The following GABRA2 variants were observed in gnomAD, a reference collection of about 807,000 sequenced individuals.
GABRA2 encodes gamma-aminobutyric acid type A receptor subunit alpha2, also known as gamma-aminobutyric acid receptor subunit alpha-2.
In GABRA2, 16 loss-of-function variants were observed where a neutral mutation model predicts 48.7. That is an observed-to-expected ratio of 0.33 (90% CI 0.22 to 0.50). GABRA2 has a LOEUF of 0.50. Ranked by LOEUF, GABRA2 falls within the 20% of genes least tolerant of loss-of-function variation. GABRA2 has a pLI of 0.98. For synonymous variants in GABRA2, 185 were observed against 184.5 expected (o/e 1.00, Z -0.02); for missense variants, 275 against 535.6 (o/e 0.51, Z 4.80).
chr4:46,254,981 A>AT (rs1715517477), intron 9 of GABRA2, among the ~76,000 whole-genome samples: 1 of 151,546 alleles, frequency 6.6e-6, no homozygotes, highest in Admixed American at 6.6e-5. Flanking sequence ...GCTAACACTG[A>AT]TTCAGCTCTG....
intron 4 of GABRA2, among the ~76,000 whole-genome samples, chr4:46,315,241 T>C (rs1258934040): frequency 1.3e-5 from 2 of 151,836 alleles, no homozygotes; most frequent in African/African-American, 4.8e-5. Flanking sequence ...ATTGGTGATG[T>C]GAAGCATTTT....
intron 4 of GABRA2, among the ~76,000 whole-genome samples, chr4:46,315,279 T>G (rs1728360262): frequency 6.6e-6 from 1 of 152,198 alleles, no homozygotes; most frequent in Non-Finnish European, 1.5e-5. Context: ...TGCTTGTATG[T>G]CTTCTTTTAT....
intron 3 of GABRA2, among the ~76,000 whole-genome samples, chr4:46,337,090 T>C (rs568722073): frequency 6.6e-6 from 1 of 151,948 alleles, no homozygotes; most frequent in Non-Finnish European, 1.5e-5. Context: ...TGGTTGAGGA[T>C]AAAAAGTGAG....
At chr4:46,283,405 G>A (rs1217968996) in intron 8 of GABRA2, among the ~76,000 whole-genome samples, 1 of 152,104 alleles carries the variant, frequency 6.6e-6, no homozygotes, top group Non-Finnish European at 1.5e-5. Context: ...AATAGACACC[G>A]AATGCCTGAT....
intron 8 of GABRA2, among the ~76,000 whole-genome samples, chr4:46,288,879 A>C (rs1348487348): frequency 8.1e-6 from 1 of 123,242 alleles, no homozygotes; most frequent in Non-Finnish European, 1.7e-5. Flanking sequence ...GAAAAAAAAC[A>C]ATGAAAGTAG....
intron 3 of GABRA2, among the ~76,000 whole-genome samples, chr4:46,332,887 A>G (rs1249061595): frequency 6.6e-6 from 1 of 152,168 alleles, no homozygotes; most frequent in Non-Finnish European, 1.5e-5. Context: ...CAAAATGCAT[A>G]GAAGTATTAT....
At chr4:46,265,629 C>A (rs1320359626) in intron 8 of GABRA2, among the ~76,000 whole-genome samples, 2 of 150,742 alleles carry the variant, frequency 1.3e-5, no homozygotes, top group Non-Finnish European at 1.5e-5. Flanking sequence ...GTTCAAGAAC[C>A]AACTTATGGC....
chr4:46,269,758 A>G (rs560464215), intron 8 of GABRA2, among the ~76,000 whole-genome samples: 1 of 152,024 alleles, frequency 6.6e-6, no homozygotes, highest in East Asian at 1.9e-4. Flanking sequence ...AATACCAGAA[A>G]TAAAATTAAA....
chr4:46,318,042 C>A (rs754149815), intron 4 of GABRA2, among the ~76,000 whole-genome samples: 1 of 151,388 alleles, frequency 6.6e-6, no homozygotes, highest in Non-Finnish European at 1.5e-5. Flanking sequence ...TGACACATTT[C>A]TTAAATTTGA....
At chr4:46,289,916 T>TATTTATTTA (rs1422233689) in intron 8 of GABRA2, among the ~76,000 whole-genome samples, 1 of 144,700 alleles carries the variant, frequency 6.9e-6, no homozygotes, top group Admixed American at 6.8e-5. Context: ...TATTTTTATT[T>TATTTATTTA]TTTTTTTTTT....
Position 46,249,096 on chromosome 4 carries a change from G to A in GABRA2, c.*1212C>T, listed in dbSNP as rs1179213858. On this transcript the variant is annotated 3_prime_UTR_variant, in exon 10 of 10. Coordinates refer to ENST00000381620, the MANE Select transcript of GABRA2 (RefSeq NM_000807.4). ...CACGTGAAATAATCCACAATCTATTGGTGATGTTTTAAAGTTGCAGTGTAA... is the reference window on the plus strand; with the variant it reads ...CACGTGAAATAATCCACAATCTATTAGTGATGTTTTAAAGTTGCAGTGTAA... 6.8e-6 allele frequency: 1 copy of A among 146,304 alleles called. No individual in the cohort carries two copies. The highest frequency in any genetic ancestry group is 1.5e-5 in the Non-Finnish European group (1 of 66,084). 9.1% of individuals were successfully genotyped at this position (146,304 alleles called of 1,614,324 possible).
chr4:46,250,658 T>G, intron 9 of GABRA2, 54 bp from the exon 10 acceptor site: 1 of 1,335,014 alleles, frequency 7.5e-7, no homozygotes, highest in Non-Finnish European at 1.0e-6. Context: ...CTACTTAACA[T>G]TTTCTAAAGT....
intron 9 of GABRA2, chr4:46,256,217 C>A: frequency 1.5e-6 from 1 of 679,682 alleles, no homozygotes. Context: ...GAAGGTTAAA[C>A]AGTCCATCCA....
chr4:46,389,968 C>T lies in GABRA2; in HGVS notation c.-244G>A. 3 of 983,722 alleles carry T rather than the reference C, an allele frequency of 3.0e-6. No individual in the cohort carries two copies. The highest frequency in any genetic ancestry group is 4.6e-5 in the South Asian group (1 of 21,840). The allele number at this position is 983,722 out of a possible 1,614,324, so 60.9% of individuals were successfully genotyped here. A position where few individuals can be genotyped will look rare whatever the true frequency, so the allele number is the denominator to read the frequency against. ...CGCGAGGTGTAGAAGGAGGCGAAGG[C>T]GTTCGTAGTGGCGGTGATGGGCGGA... is the stretch of plus-strand genomic sequence containing the variant. On this transcript the variant is annotated 5_prime_UTR_variant, in exon 1 of 10. Coordinates refer to ENST00000381620, the MANE Select transcript of GABRA2 (RefSeq NM_000807.4).
chr4:46,390,212 C>CCA (rs1163998645), upstream of GABRA2: 23 of 128,692 alleles, frequency 1.8e-4, no homozygotes, highest in Admixed American at 6.1e-4. Context: ...TCCCCCCCCC[C>CCA]CACACACACA....
chr4:46,278,023 GTAGA>G (rs1249327800), intron 8 of GABRA2, among the ~76,000 whole-genome samples: 63 of 152,190 alleles, frequency 4.1e-4, no homozygotes, highest in African/African-American at 1.4e-3. Flanking sequence ...ATCTTACTCA[GTAGA>G]TAGTCAGATA....
chr4:46,338,554 C>A (rs1460924338), intron 3 of GABRA2, among the ~76,000 whole-genome samples: 1 of 151,728 alleles, frequency 6.6e-6, no homozygotes, highest in African/African-American at 2.4e-5. Flanking sequence ...ATAATAAATT[C>A]TGGGAATAAA....
intron 4 of GABRA2, among the ~76,000 whole-genome samples, chr4:46,319,725 C>A (rs1729134339): frequency 6.6e-6 from 1 of 151,616 alleles, no homozygotes; most frequent in South Asian, 2.1e-4. Flanking sequence ...TTTGGGCATT[C>A]TTTTTGGAAC....
chr4:46,282,548 C>G (rs946708874), intron 8 of GABRA2, among the ~76,000 whole-genome samples: 12 of 152,238 alleles, frequency 7.9e-5, no homozygotes, highest in African/African-American at 2.4e-4. Context: ...AACAGAATGA[C>G]AAAGATTCTG....
Sources: gnomAD v4.1 joint callset for allele counts (sites outside exome capture counted in the v4.1 genomes callset) on GRCh38, gnomAD v4.1.1 for gene constraint, MANE v1.5 for transcripts, NCBI Gene and HGNC (gene_info 2026-07-23, HGNC 2026-07-21) for gene names.